The following PHACTR1 variants were observed in gnomAD, a reference collection of about 807,000 sequenced individuals.
The protein encoded by PHACTR1 is phosphatase and actin regulator 1, also known as RPEL repeat containing 1.
A neutral mutation model predicts 69.2 loss-of-function variants in PHACTR1; 16 were observed. The observed-to-expected ratio is 0.23, with a 90% CI of 0.16 to 0.35. The LOEUF is 0.35. PHACTR1 is among the 10% of genes least tolerant of loss of function. The probability of loss-of-function intolerance (pLI) is 1.00; values close to 1 mark genes in which losing one functional copy is unlikely to be tolerated. For synonymous variants in PHACTR1, 312 were observed against 284.5 expected (o/e 1.10, Z -0.97); for missense variants, 510 against 734.7 (o/e 0.69, Z 3.54).
intron 5 of PHACTR1, among the ~76,000 whole-genome samples, chr6:13,156,587 G>A (rs577548970): frequency 1.1e-4 from 16 of 152,332 alleles, no homozygotes; most frequent in Non-Finnish European, 2.2e-4. Flanking sequence ...GGCATAGTCT[G>A]TGCCACGTAG....
intron 4 of PHACTR1, among the ~76,000 whole-genome samples, chr6:12,957,163 A>G (rs991943445): frequency 2.0e-5 from 3 of 151,408 alleles, no homozygotes; most frequent in African/African-American, 7.3e-5. Context: ...TTAGAATTAT[A>G]TAATGGAACT....
intron 7 of PHACTR1, among the ~76,000 whole-genome samples, chr6:13,190,334 T>C (rs954096137): frequency 1.3e-5 from 2 of 151,786 alleles, no homozygotes; most frequent in Non-Finnish European, 2.9e-5. Flanking sequence ...CAAGCCCGGC[T>C]TGATGTCTCT....
chr6:13,189,625 C>G (rs1763246634), intron 7 of PHACTR1, among the ~76,000 whole-genome samples: 1 of 152,108 alleles, frequency 6.6e-6, no homozygotes, highest in Admixed American at 6.5e-5. Flanking sequence ...GTCTGGACCT[C>G]CTGAGCTCAA....
At chr6:12,928,364 G>A (rs1208087753) in intron 4 of PHACTR1, among the ~76,000 whole-genome samples, 1 of 152,128 alleles carries the variant, frequency 6.6e-6, no homozygotes, top group African/African-American at 2.4e-5. Context: ...CACGTTCAAC[G>A]TTCATCCCAC....
chr6:13,121,656 A>G (rs1317279128), intron 5 of PHACTR1, among the ~76,000 whole-genome samples: 2 of 152,206 alleles, frequency 1.3e-5, no homozygotes, highest in African/African-American at 2.4e-5. Context: ...GGTACATTTT[A>G]TATGATCTGA....
intron 4 of PHACTR1, among the ~76,000 whole-genome samples, chr6:12,759,122 C>CAAAAAA (rs1229879368): frequency 2.5e-4 from 13 of 51,462 alleles, no homozygotes; most frequent in East Asian, 1.2e-3. Context: ...GACTCCACCT[C>CAAAAAA]AAAAAAAAAA....
intron 4 of PHACTR1, among the ~76,000 whole-genome samples, chr6:13,025,132 A>G (rs1801501352): frequency 6.6e-6 from 1 of 151,914 alleles, no homozygotes; most frequent in Non-Finnish European, 1.5e-5. Context: ...GTGCGTGCCT[A>G]TAGTCCCAGC....
At chr6:12,862,400 C>A (rs1446731912) in intron 4 of PHACTR1, among the ~76,000 whole-genome samples, 1 of 152,098 alleles carries the variant, frequency 6.6e-6, no homozygotes, top group Non-Finnish European at 1.5e-5. Context: ...TCTAGGTCAA[C>A]TACAAAGCAC....
intron 10 of PHACTR1, among the ~76,000 whole-genome samples, chr6:13,253,938 A>G (rs1774841784): frequency 6.6e-6 from 1 of 152,216 alleles, no homozygotes; most frequent in African/African-American, 2.4e-5. Flanking sequence ...TTAGAAACCA[A>G]CTGGGGTGGC....
At chr6:12,915,911 A>G (rs534541298) in intron 4 of PHACTR1, among the ~76,000 whole-genome samples, 83 of 152,270 alleles carry the variant, frequency 5.5e-4, no homozygotes, top group African/African-American at 1.8e-3. Flanking sequence ...CCATACCTGC[A>G]TGACTACTAG....
chr6:13,186,432 C>A (rs1762835037), intron 7 of PHACTR1, among the ~76,000 whole-genome samples: 1 of 152,204 alleles, frequency 6.6e-6, no homozygotes, highest in Non-Finnish European at 1.5e-5. Context: ...GTTTTTCCAT[C>A]TTCCTTATTG....
At chr6:13,247,332 T>TGTGTGA (rs1364988135) in intron 10 of PHACTR1, among the ~76,000 whole-genome samples, 2 of 149,278 alleles carry the variant, frequency 1.3e-5, no homozygotes, top group Non-Finnish European at 3.0e-5. Flanking sequence ...CCCTCGTGTG[T>TGTGTGA]GTGTGTGTGT....
chr6:13,129,388 C>T (rs1820049215), intron 5 of PHACTR1, among the ~76,000 whole-genome samples: 1 of 152,076 alleles, frequency 6.6e-6, no homozygotes, highest in African/African-American at 2.4e-5. Flanking sequence ...AATCCACCAA[C>T]CAAATATCTG....
At chr6:12,819,920 G>C (rs753461822) in intron 4 of PHACTR1, among the ~76,000 whole-genome samples, 4 of 152,100 alleles carry the variant, frequency 2.6e-5, no homozygotes, top group Non-Finnish European at 5.9e-5. Flanking sequence ...CAGTTATTTA[G>C]AGACTAGTCA....
chr6:12,887,215 A>G (rs980485005), intron 4 of PHACTR1, among the ~76,000 whole-genome samples: 9 of 152,190 alleles, frequency 5.9e-5, no homozygotes, highest in East Asian at 3.8e-4. Flanking sequence ...TTCCACTCCA[A>G]TTGTTCTTCT....
At chr6:12,813,279 C>T (rs889342556) in intron 4 of PHACTR1, among the ~76,000 whole-genome samples, 11 of 152,160 alleles carry the variant, frequency 7.2e-5, no homozygotes, top group Non-Finnish European at 1.6e-4. Flanking sequence ...CACACAAGTT[C>T]TGAGAGCCCT....
intron 6 of PHACTR1, among the ~76,000 whole-genome samples, chr6:13,178,529 C>T (rs1393952082): frequency 6.6e-6 from 1 of 152,254 alleles, no homozygotes; most frequent in Admixed American, 6.5e-5. Context: ...ACTACTGGGT[C>T]AGAAGCTCTG....
At chr6:12,781,830 T>C (rs1240589753) in intron 4 of PHACTR1, among the ~76,000 whole-genome samples, 1 of 152,228 alleles carries the variant, frequency 6.6e-6, no homozygotes, top group East Asian at 1.9e-4. Context: ...CGACTGCTTA[T>C]TTTAAAATTT....
At chr6:13,233,403 A>G (rs958796387) in intron 10 of PHACTR1, among the ~76,000 whole-genome samples, 1 of 151,880 alleles carries the variant, frequency 6.6e-6, no homozygotes, top group East Asian at 1.9e-4. Context: ...GGTGGATGGC[A>G]GGTGTATTAT....
Sources: gnomAD v4.1 joint callset for allele counts (sites outside exome capture counted in the v4.1 genomes callset) on GRCh38, gnomAD v4.1.1 for gene constraint, MANE v1.5 for transcripts, NCBI Gene and HGNC (gene_info 2026-07-23, HGNC 2026-07-21) for gene names.